The following PGGT1B variants were observed in gnomAD, a reference collection of about 807,000 sequenced individuals.
The protein encoded by PGGT1B is geranylgeranyl transferase type-1 subunit beta.
PGGT1B carries 30 observed loss-of-function variants against 46.1 expected under a neutral mutation model. That is an observed-to-expected ratio of 0.65 (90% CI 0.49 to 0.88). PGGT1B has a LOEUF of 0.88. Among genes scored for constraint, PGGT1B ranks in the 40% least tolerant of loss-of-function variants. PGGT1B has a pLI of 0.00. For synonymous variants in PGGT1B, 170 were observed against 160.0 expected, an observed-to-expected ratio of 1.06 and a Z score of -0.47; for missense variants, 376 against 455.9, an observed-to-expected ratio of 0.82 and a Z score of 1.60.
chr5:115,238,474 A>C (rs1262402477), intron 3 of PGGT1B, among the ~76,000 whole-genome samples: 3 of 151,206 alleles, frequency 2.0e-5, no homozygotes, highest in Admixed American at 2.0e-4. Context: ...GCCTGGCTAA[A>C]TTATTTAAAC....
In PGGT1B at chr5:115,206,770, G is replaced by T. The variant is rs891234364; in HGVS notation, c.*5632C>A. ...TAAATCTATAGATAGAGAGTATCTG[G>T]GCCAAAAAGTGTGCACACTTTAAAA... On this transcript the variant is annotated 3_prime_UTR_variant, in exon 9 of 9. Coordinates refer to ENST00000419445, the MANE Select transcript of PGGT1B (RefSeq NM_005023.4). The T allele has an allele frequency of 3.4e-4, 52 of 151,766 alleles. No individual in the cohort carries two copies. Among genetic ancestry groups the T allele is most frequent in the African/African-American group, 1.2e-3 (50 of 41,334 alleles). 9.4% of individuals were successfully genotyped at this position (151,766 alleles called of 1,614,324 possible).
intron 6 of PGGT1B, among the ~76,000 whole-genome samples, chr5:115,230,198 A>G (rs1178768639): frequency 1.3e-5 from 2 of 152,012 alleles, no homozygotes; most frequent in African/African-American, 4.8e-5. Flanking sequence ...AAGGTCACTC[A>G]GTTGGTGTCA....
rs1756126657 is a variant in PGGT1B, at chr5:115,208,422, C to G, written c.*3980G>C. 6.6e-6 allele frequency: 1 copy of G among 151,892 alleles called. No homozygotes were observed. Among genetic ancestry groups the G allele is most frequent in the Non-Finnish European group, 1.5e-5 (1 of 67,920 alleles). 9.4% of individuals were successfully genotyped at this position (151,892 alleles called of 1,614,324 possible). On this transcript the variant is annotated 3_prime_UTR_variant, in exon 9 of 9. Coordinates refer to ENST00000419445, the MANE Select transcript of PGGT1B (RefSeq NM_005023.4). ...AAGGGGTACTTTTAACTATTTGTTT[C>G]TTCTACGGTAATTGGTTTGTTGTGA...
chr5:115,240,603 G>C lies in PGGT1B; in HGVS notation c.327+936C>G, dbSNP rs192356992. 1.1e-3 allele frequency among the ~76,000 whole-genome samples: 168 copies of C among 152,270 alleles called. 1 individual carries two copies. Among genetic ancestry groups the C allele is most frequent in the African/African-American group, 3.9e-3 (164 of 41,564 alleles). Reference sequence around the variant, plus strand: ...CATATGACCTTGACACAGGCAAGCTGGTTTACAGCTTAAGGCAGAGGAAGA... The same window carrying C: ...CATATGACCTTGACACAGGCAAGCTCGTTTACAGCTTAAGGCAGAGGAAGA... On this transcript the variant is annotated intron_variant, in intron 3 of 8. Coordinates refer to ENST00000419445, the MANE Select transcript of PGGT1B (RefSeq NM_005023.4).
intron 1 of PGGT1B, among the ~76,000 whole-genome samples, chr5:115,254,405 C>T (rs1219482803): frequency 1.3e-5 from 2 of 151,942 alleles, no homozygotes; most frequent in Admixed American, 1.3e-4. Flanking sequence ...ACACACGAAG[C>T]TTATTTTATA....
chr5:115,253,229 G>A lies in PGGT1B; in HGVS notation c.167C>T (p.Ser56Phe). Residue 56 changes from serine (S) to phenylalanine (F), a missense_variant, in exon 2 of 9, where the codon TCC becomes TTC. Around this residue, in one of 2 missense-constraint regions of PGGT1B, gnomAD observed 154 missense variants for 142.3 expected, o/e 1.08. Transcript: ENST00000419445. ...TAAGGAATCCAACATATCCAGCCCG[G>A]AGAGTGCAAAAAATGCAATTGTCAA... is the stretch of plus-strand genomic sequence containing the variant. ...SRLTIAFFAL[S>F]GLDMLDSLDV... 6.3e-7 allele frequency: 1 copy of A among 1,582,246 alleles called. No homozygotes were observed. The highest frequency in any genetic ancestry group is 8.6e-7 in the Non-Finnish European group (1 of 1,169,390).
At chr5:115,219,788 A>C (rs1023009492) in intron 7 of PGGT1B, among the ~76,000 whole-genome samples, 2 of 151,874 alleles carry the variant, frequency 1.3e-5, no homozygotes, top group African/African-American at 2.4e-5. Context: ...TTGAATAGAT[A>C]TATCTCCCAA....
At chr5:115,229,645 G>A (rs1292913585) in intron 6 of PGGT1B, among the ~76,000 whole-genome samples, 2 of 152,086 alleles carry the variant, frequency 1.3e-5, no homozygotes, top group African/African-American at 4.8e-5. Context: ...TCACAGGTGA[G>A]GTGACTCCTT....
At chr5:115,226,675 G>C (rs574406654) in intron 6 of PGGT1B, among the ~76,000 whole-genome samples, 1 of 151,986 alleles carries the variant, frequency 6.6e-6, no homozygotes, top group African/African-American at 2.4e-5. Context: ...TGGAATACAG[G>C]ATAACTAATT....
intron 6 of PGGT1B, among the ~76,000 whole-genome samples, chr5:115,224,226 T>C (rs1756685678): frequency 6.6e-6 from 1 of 152,344 alleles, no homozygotes; most frequent in East Asian, 1.9e-4. Flanking sequence ...AACCAAGCCA[T>C]GACTTCAAGT....
At chr5:115,251,880 C>T (rs1748117603) in intron 2 of PGGT1B, among the ~76,000 whole-genome samples, 3 of 151,834 alleles carry the variant, frequency 2.0e-5, no homozygotes, top group Admixed American at 2.0e-4. Flanking sequence ...ATACCTCAGT[C>T]TAATAATCAA....
At chr5:115,239,820 G>A (rs1338028451) in intron 3 of PGGT1B, among the ~76,000 whole-genome samples, 1 of 152,198 alleles carries the variant, frequency 6.6e-6, no homozygotes, top group African/African-American at 2.4e-5. Flanking sequence ...TAGAGAGCAT[G>A]GGATTTGTGA....
At chr5:115,233,832 T>C (rs560812042) in intron 5 of PGGT1B, among the ~76,000 whole-genome samples, 114 of 152,168 alleles carry the variant, frequency 7.5e-4, no homozygotes, top group African/African-American at 2.6e-3. Context: ...CACTCTCTTA[T>C]ATTGGTAGGA....
intron 8 of PGGT1B, among the ~76,000 whole-genome samples, chr5:115,214,298 GT>G (rs1320237429): frequency 1.3e-5 from 2 of 149,288 alleles, no homozygotes; most frequent in Non-Finnish European, 3.0e-5. Flanking sequence ...CTCAAATTGT[GT>G]TTTTAAAAAA....
intron 1 of PGGT1B, among the ~76,000 whole-genome samples, chr5:115,260,646 G>A (rs1190890579): frequency 2.0e-5 from 3 of 152,094 alleles, no homozygotes; most frequent in African/African-American, 7.2e-5. Flanking sequence ...GACATATGCA[G>A]TTATCTTAAA....
intron 1 of PGGT1B, among the ~76,000 whole-genome samples, chr5:115,255,699 G>C (rs763707404): frequency 1.1e-4 from 17 of 152,074 alleles, no homozygotes; most frequent in Middle Eastern, 3.4e-3. Context: ...TATGCAAAAG[G>C]CTATAAAAAC....
At chr5:115,222,528 TC>T (rs1209730111) in intron 6 of PGGT1B, among the ~76,000 whole-genome samples, 1 of 152,178 alleles carries the variant, frequency 6.6e-6, no homozygotes, top group Non-Finnish European at 1.5e-5. Context: ...GTAAAGGTGT[TC>T]CTATTTACTA....
intron 5 of PGGT1B, among the ~76,000 whole-genome samples, chr5:115,234,609 T>C (rs1208017377): frequency 6.6e-6 from 1 of 151,892 alleles, no homozygotes; most frequent in Non-Finnish European, 1.5e-5. Context: ...CATAACCATA[T>C]TAAAGGGGGG....
At chr5:115,254,630 G>A (rs1245031272) in intron 1 of PGGT1B, among the ~76,000 whole-genome samples, 3 of 147,992 alleles carry the variant, frequency 2.0e-5, no homozygotes, top group Admixed American at 6.8e-5. Context: ...GCAAATTATC[G>A]CTCTGATCCC....
Sources: gnomAD v4.1 joint callset for allele counts (sites outside exome capture counted in the v4.1 genomes callset) on GRCh38, gnomAD v4.1.1 for gene constraint, gnomAD v4.1.1 regional missense constraint, MANE v1.5 for transcripts, NCBI Gene and HGNC (gene_info 2026-07-23, HGNC 2026-07-21) for gene names.